The following PGLYRP3 variants were observed in gnomAD, a reference collection of about 807,000 sequenced individuals.
The protein encoded by PGLYRP3 is peptidoglycan recognition protein I alpha.
Under a neutral mutation model 36.0 loss-of-function variants are expected in PGLYRP3, and 39 were observed. The observed-to-expected ratio is 1.08, with a 90% confidence interval of 0.84 to 1.41. The LOEUF (loss-of-function observed/expected upper bound fraction) is 1.41, where lower values mean the gene tolerates loss of function less well. Among genes scored for constraint, PGLYRP3 ranks in the 40% most tolerant of loss-of-function variants. PGLYRP3 has a pLI of 0.00. For synonymous variants in PGLYRP3, 204 were observed against 172.8 expected (o/e 1.18, Z -1.42); for missense variants, 407 against 427.9 (o/e 0.95, Z 0.43).
At position 153,297,162 on chromosome 1, in the gene PGLYRP3, A is replaced by G. The variant is rs997432650; in HGVS notation, c.*794T>C. On this transcript the variant is annotated 3_prime_UTR_variant, in exon 8 of 8. Transcript: ENST00000683862. ...CCATTTCTTTAACAAACATCTGTAG[A>G]ACCTATTAAACTCCAAACACTGCTG... 2.0e-5 allele frequency among the ~76,000 whole-genome samples: 3 copies of G among 152,160 alleles called. No homozygotes were observed. The highest frequency in any genetic ancestry group is 7.2e-5 in the African/African-American group (3 of 41,420).
chr1:153,297,562 A>AG lies in PGLYRP3; in HGVS notation c.*393_*394insC, dbSNP rs1317768275. Among the ~76,000 whole-genome samples the AG allele has an allele frequency of 2.1e-4, 10 of 48,202 alleles. No homozygotes were observed. The highest frequency in any genetic ancestry group is 1.6e-3 in the South Asian group (3 of 1,886). 31.6% of individuals were successfully genotyped at this position (48,202 alleles called of 152,430 possible). On this transcript the variant is annotated 3_prime_UTR_variant, in exon 8 of 8. Transcript: ENST00000683862. ...AGGAAGGAAGGAAGGAAAGAAAGAA[A>AG]AAGAAAGAAAGAAAGAAAGAAGAAA...
At chr1:153,305,345 C>G (rs1045035873) in intron 3 of PGLYRP3, among the ~76,000 whole-genome samples, 1 of 152,212 alleles carries the variant, frequency 6.6e-6, no homozygotes. Flanking sequence ...ACTCAAGGAC[C>G]TGAGGACATT....
intron 1 of PGLYRP3, among the ~76,000 whole-genome samples, chr1:153,311,762 T>C (rs976591450): frequency 6.6e-6 from 1 of 152,226 alleles, no homozygotes; most frequent in African/African-American, 2.4e-5. Flanking sequence ...GTTTTTAAAC[T>C]GCAATCAGCA....
intron 1 of PGLYRP3, among the ~76,000 whole-genome samples, chr1:153,311,135 A>G (rs1232327388): frequency 6.6e-6 from 1 of 152,164 alleles, no homozygotes. Context: ...AACTACAAGC[A>G]GAAGCAGGCT....
Position 153,297,778 on chromosome 1 carries a change from G to A in PGLYRP3, c.*178C>T. The A allele has an allele frequency of 1.5e-6, 1 of 660,618 alleles. No homozygotes were observed. Among genetic ancestry groups the A allele is most frequent in the South Asian group, 2.1e-5 (1 of 47,866 alleles). The allele number at this position is 660,618 out of a possible 1,614,324, so 40.9% of individuals were successfully genotyped here. ...AGACCAAGAGGGCTGTGAATGCCCA[G>A]CTGTGAGGTTTGGGGGCTCCTGGAG... On this transcript the variant is annotated 3_prime_UTR_variant, in exon 8 of 8. Transcript: ENST00000683862.
intron 6 of PGLYRP3, 57 bp downstream of exon 6, chr1:153,302,352 C>CT: frequency 6.3e-7 from 1 of 1,576,772 alleles, no homozygotes; most frequent in Non-Finnish European, 8.7e-7. Flanking sequence ...CTCCCACAGC[C>CT]TTCCTTCCTA....
At chr1:153,304,796 G>C (rs1408449561) in intron 4 of PGLYRP3, 151 bp downstream of exon 4, 19 of 575,770 alleles carry the variant, frequency 3.3e-5, no homozygotes, top group Non-Finnish European at 5.4e-5. Context: ...CATGTCACAG[G>C]ATCCAAAGGA....
chr1:153,297,539 G>A lies in PGLYRP3; in HGVS notation c.*417C>T, dbSNP rs935134214. 3.4e-4 allele frequency among the ~76,000 whole-genome samples: 30 copies of A among 88,844 alleles called. No individual in the cohort carries two copies. Among genetic ancestry groups the A allele is most frequent in the African/African-American group, 1.4e-3 (29 of 20,508 alleles). 58.3% of individuals were successfully genotyped at this position (88,844 alleles called of 152,430 possible). A position where few individuals can be genotyped will look rare whatever the true frequency, so the allele number is the denominator to read the frequency against. On this transcript the variant is annotated 3_prime_UTR_variant, in exon 8 of 8. Transcript: ENST00000683862. Reference sequence around the variant, plus strand: ...GGAAGGAAGGAAGGAAGGAAGGAAGGAAGGAAGGAAGGAAAGAAAGAAAAA... The same window carrying A: ...GGAAGGAAGGAAGGAAGGAAGGAAGAAAGGAAGGAAGGAAAGAAAGAAAAA...
Position 153,311,003 on chromosome 1 carries a change from T to A in PGLYRP3, c.-41-297A>T, listed in dbSNP as rs151216735. On this transcript the variant is annotated intron_variant, in intron 1 of 7. Coordinates refer to ENST00000683862, the MANE Select transcript of PGLYRP3 (RefSeq NM_052891.3). ...GCCTTTCAGGGTAGAAAATAACAAT[T>A]TCTAAAATCCTCAAGGTAGCTGTTA... Among the ~76,000 whole-genome samples the A allele has an allele frequency of 2.8e-4, 43 of 152,198 alleles. 1 individual carries two copies. In the East Asian group the frequency reaches 5.6e-3, roughly 20 times the overall value.
At chr1:153,312,526 G>A (rs527897661) in intron 1 of PGLYRP3, among the ~76,000 whole-genome samples, 117 bp downstream of exon 1, 3 of 151,932 alleles carry the variant, frequency 2.0e-5, no homozygotes, top group East Asian at 3.9e-4. Context: ...CGAGATCAGG[G>A]GAGCTTTCCC....
chr1:153,305,070 C>G lies in PGLYRP3; in HGVS notation c.258-5G>C. The G allele has an allele frequency of 6.2e-7, 1 of 1,603,494 alleles. No individual in the cohort carries two copies. Among genetic ancestry groups the G allele is most frequent in the South Asian group, 1.1e-5 (1 of 89,500 alleles). ...CCATCATCCCCAACCAGGAAGCTGA[C>G]AAGAAGGAAATAATGATTTTACTGC... On this transcript the variant is annotated splice_polypyrimidine_tract_variant and splice_region_variant and intron_variant, in intron 3 of 7. Transcript: ENST00000683862.
chr1:153,307,458 C>T (rs942949790), intron 2 of PGLYRP3, among the ~76,000 whole-genome samples, 191 bp from the exon 3 acceptor site: 5 of 152,170 alleles, frequency 3.3e-5, no homozygotes, highest in African/African-American at 1.2e-4. Flanking sequence ...CAGACACACG[C>T]TGCACTCAGC....
chr1:153,297,441 G>A lies in PGLYRP3; in HGVS notation c.*515C>T, dbSNP rs528719553. ...CAGGGAAGGCTCACCAGGCAGAGGCGGGGAGAGGGGGAGAGAGAGAGAGAG... is the reference window on the plus strand; with the variant it reads ...CAGGGAAGGCTCACCAGGCAGAGGCAGGGAGAGGGGGAGAGAGAGAGAGAG... On this transcript the variant is annotated 3_prime_UTR_variant, in exon 8 of 8. Coordinates refer to ENST00000683862, the MANE Select transcript of PGLYRP3 (RefSeq NM_052891.3). 3.7e-3 allele frequency among the ~76,000 whole-genome samples: 351 copies of A among 94,448 alleles called. 3 individuals are homozygous for A. Among genetic ancestry groups the A allele is most frequent in the African/African-American group, 4.8e-3 (112 of 23,102 alleles). The allele number at this position is 94,448 out of a possible 152,430, so 62.0% of individuals were successfully genotyped here. A position where few individuals can be genotyped will look rare whatever the true frequency, so the allele number is the denominator to read the frequency against.
intron 2 of PGLYRP3, among the ~76,000 whole-genome samples, chr1:153,309,151 C>A (rs1317884746): frequency 2.0e-5 from 3 of 152,186 alleles, no homozygotes; most frequent in Non-Finnish European, 2.9e-5. Flanking sequence ...TGCTCCCATT[C>A]AGTACCAGGG....
intron 5 of PGLYRP3, among the ~76,000 whole-genome samples, chr1:153,303,561 G>A (rs952885941): frequency 5.3e-5 from 8 of 152,210 alleles, no homozygotes; most frequent in Non-Finnish European, 1.2e-4. Flanking sequence ...GTTCACAGCT[G>A]TATGCTCAGT....
intron 1 of PGLYRP3, 90 bp from the exon 2 acceptor site, chr1:153,310,796 A>C: frequency 3.6e-6 from 3 of 832,162 alleles, no homozygotes. Flanking sequence ...TGCCTCCCCT[A>C]CCATCCTGTG....
intron 7 of PGLYRP3, among the ~76,000 whole-genome samples, 155 bp from the exon 8 acceptor site, chr1:153,298,289 G>T (rs1659492828): frequency 6.6e-6 from 1 of 152,024 alleles, no homozygotes; most frequent in Non-Finnish European, 1.5e-5. Flanking sequence ...TGGCAATCAG[G>T]CACAAAAAGA....
chr1:153,299,093 A>C lies in PGLYRP3; in HGVS notation c.847+20T>G, dbSNP rs1571098479. 6.3e-7 allele frequency: 1 copy of C among 1,597,734 alleles called. No homozygotes were observed. The highest frequency in any genetic ancestry group is 1.3e-5 in the African/African-American group (1 of 74,458). ...GTCCTTCAACCCCCAGCACCCCTCT[A>C]CCCCATGCTCACCCCTTACCTACAA... On this transcript the variant is annotated intron_variant, in intron 7 of 7. Transcript: ENST00000683862.
At chr1:153,309,299 G>T (rs1300594393) in intron 2 of PGLYRP3, among the ~76,000 whole-genome samples, 1 of 152,196 alleles carries the variant, frequency 6.6e-6, no homozygotes, top group Non-Finnish European at 1.5e-5. Flanking sequence ...GTTAAGCAAA[G>T]CAACTATGCT....
Sources: gnomAD v4.1 joint callset for allele counts (sites outside exome capture counted in the v4.1 genomes callset) on GRCh38, gnomAD v4.1.1 for gene constraint, MANE v1.5 for transcripts, NCBI Gene and HGNC (gene_info 2026-07-23, HGNC 2026-07-21) for gene names.